Variants in PKHD1 observed in about 807,000 individuals in gnomAD.
The protein encoded by PKHD1 is PKHD1 ciliary IPT domain containing fibrocystin/polyductin, also known as fibrocystin.
A neutral mutation model predicts 412.0 loss-of-function variants in PKHD1; 291 were observed. The observed-to-expected ratio is 0.71, with a 90% CI of 0.64 to 0.78. The LOEUF (loss-of-function observed/expected upper bound fraction) is 0.78. Among genes scored for constraint, PKHD1 ranks in the 30% least tolerant of loss-of-function variants. The pLI is 0.00. For missense variants in PKHD1, 4,825 were observed against 4,950.7 expected, an observed-to-expected ratio of 0.97 and a Z score of 0.76; for synonymous variants, 1,777 against 1,821.5, an observed-to-expected ratio of 0.98 and a Z score of 0.62.
intron 39 of PKHD1, 35 bp downstream of exon 39, chr6:51,911,764 T>C (rs1782971924): frequency 6.3e-7 from 1 of 1,576,458 alleles, no homozygotes; most frequent in Non-Finnish European, 8.7e-7. Context: ...TATTCTTTTT[T>C]GCTCATTAGA....
intron 53 of PKHD1, among the ~76,000 whole-genome samples, chr6:51,785,638 T>C (rs1792734111): frequency 6.6e-6 from 1 of 152,178 alleles, no homozygotes; most frequent in Non-Finnish European, 1.5e-5. Flanking sequence ...CTCTTGTAAA[T>C]TGCCTCTTTT....
intron 50 of PKHD1, among the ~76,000 whole-genome samples, chr6:51,837,419 A>G (rs1432150352): frequency 2.6e-5 from 4 of 152,174 alleles, no homozygotes; most frequent in Non-Finnish European, 5.9e-5. Flanking sequence ...AATATAAAAC[A>G]TAAGCAGCCA....
At chr6:51,761,429 G>C (rs1002848043) in intron 55 of PKHD1, among the ~76,000 whole-genome samples, 45 of 152,022 alleles carry the variant, frequency 3.0e-4, no homozygotes, top group African/African-American at 1.1e-3. Context: ...CTGCTGGTTT[G>C]GCTGGTGGTG....
rs74540613 is a variant in PKHD1 at position 51,615,421 on chromosome 6, T to C, written c.*3660A>G. 3.9e-4 allele frequency: 60 copies of C among 152,314 alleles called. No homozygotes were observed. The highest frequency in any genetic ancestry group is 1.4e-3 in the African/African-American group (59 of 41,582). 9.4% of individuals were successfully genotyped at this position (152,314 alleles called of 1,614,324 possible). ...GTGACTTTTCTATCAAATATATCTG[T>C]AATTAGTCAAAGTGCTATAGTGTAT... On this transcript the variant is annotated 3_prime_UTR_variant, in exon 67 of 67. Transcript: ENST00000371117.
intron 52 of PKHD1, among the ~76,000 whole-genome samples, chr6:51,815,919 T>C (rs1765386833): frequency 6.6e-6 from 1 of 152,206 alleles, no homozygotes. Flanking sequence ...GTTAAATCTT[T>C]TGTGAAACCA....
At chr6:51,989,952 GA>G (rs1562073313) in intron 35 of PKHD1, among the ~76,000 whole-genome samples, 7 of 40,340 alleles carry the variant, frequency 1.7e-4, no homozygotes, top group Admixed American at 4.8e-4. Flanking sequence ...AGGAAGAAAG[GA>G]AGGAAAGAAG....
chr6:51,805,216 A>G (rs1003790321), intron 52 of PKHD1, among the ~76,000 whole-genome samples: 1 of 152,180 alleles, frequency 6.6e-6, no homozygotes, highest in Non-Finnish European at 1.5e-5. Context: ...GAATAAAATC[A>G]TGTTCTTTGC....
chr6:51,626,800 A>G (rs1424352344), intron 66 of PKHD1, among the ~76,000 whole-genome samples, 197 bp downstream of exon 66: 15 of 152,178 alleles, frequency 9.9e-5, no homozygotes, highest in Non-Finnish European at 2.2e-4. Context: ...CAATTCAAAT[A>G]ATTGGTGAAT....
intron 60 of PKHD1, among the ~76,000 whole-genome samples, chr6:51,739,522 A>G (rs1784294556): frequency 6.6e-6 from 1 of 152,160 alleles, no homozygotes; most frequent in South Asian, 2.1e-4. Context: ...TGAGCCACAG[A>G]TCCCAGAATA....
chr6:51,886,487 A>G (rs1778235906), intron 44 of PKHD1, among the ~76,000 whole-genome samples: 1 of 152,234 alleles, frequency 6.6e-6, no homozygotes. Context: ...AAATCCTGCC[A>G]TTTGTGACAA....
intron 52 of PKHD1, among the ~76,000 whole-genome samples, chr6:51,828,987 T>A (rs1767796049): frequency 6.6e-6 from 1 of 152,192 alleles, no homozygotes; most frequent in Non-Finnish European, 1.5e-5. Context: ...GCAAGGATTT[T>A]ATTTTTTATA....
At chr6:51,940,284 T>G (rs897351669) in intron 36 of PKHD1, among the ~76,000 whole-genome samples, 11 of 151,616 alleles carry the variant, frequency 7.3e-5, no homozygotes, top group Admixed American at 5.3e-4. Flanking sequence ...GCCTTCAAGG[T>G]GTACTATAAT....
At chr6:52,052,069 C>T (rs991122285) in intron 21 of PKHD1, among the ~76,000 whole-genome samples, 4 of 152,188 alleles carry the variant, frequency 2.6e-5, no homozygotes, top group African/African-American at 9.6e-5. Context: ...GTTCCCCTGC[C>T]TTCAGTACTG....
At chr6:51,936,151 C>T (rs1002726598) in intron 36 of PKHD1, among the ~76,000 whole-genome samples, 1 of 152,162 alleles carries the variant, frequency 6.6e-6, no homozygotes, top group African/African-American at 2.4e-5. Flanking sequence ...TGGCACTCAA[C>T]ACACAATTAA....
At chr6:51,903,850 TA>T (rs1781662749) in intron 42 of PKHD1, 123 bp from the exon 43 acceptor site, 8 of 410,416 alleles carry the variant, frequency 1.9e-5, no homozygotes, top group South Asian at 1.5e-4. Flanking sequence ...TATATATATA[TA>T]TATATATATT....
chr6:52,025,365 T>C lies in PKHD1; in HGVS notation c.4445A>G (p.Glu1482Gly), dbSNP rs1801996128. 6.2e-7 allele frequency: 1 copy of C among 1,613,594 alleles called. No individual in the cohort carries two copies. The highest frequency in any genetic ancestry group is 8.5e-7 in the Non-Finnish European group (1 of 1,179,540). ...CQGNCTLFIR[E>G]EASPVMDALS... ...GGCATCCATGACAGGACTTGCCTCTTCCCTTATGAAAAGAGTGCAATTCCC... is the reference window on the plus strand; with the variant it reads ...GGCATCCATGACAGGACTTGCCTCTCCCCTTATGAAAAGAGTGCAATTCCC... Residue 1482 changes from glutamate to glycine, a missense_variant, in exon 32 of 67, where the codon GAA (glutamate) becomes GGA (glycine). Coordinates refer to ENST00000371117, the MANE Select transcript of PKHD1 (RefSeq NM_138694.4).
intron 35 of PKHD1, among the ~76,000 whole-genome samples, chr6:51,999,645 G>A (rs985054448): frequency 1.3e-5 from 2 of 152,128 alleles, no homozygotes; most frequent in South Asian, 2.1e-4. Context: ...ATTAAAAAGA[G>A]GACAACCCTG....
intron 60 of PKHD1, chr6:51,721,621 G>A: frequency 9.1e-7 from 1 of 1,094,554 alleles, no homozygotes; most frequent in South Asian, 3.4e-5. Flanking sequence ...ACTCACTAAA[G>A]GCAAAGCTTA....
chr6:51,908,145 G>A (rs936392534), intron 40 of PKHD1, among the ~76,000 whole-genome samples: 7 of 152,132 alleles, frequency 4.6e-5, no homozygotes, highest in African/African-American at 1.7e-4. Context: ...CGAAGCACTA[G>A]CGGAGAGGCC....
Sources: gnomAD v4.1 joint callset for allele counts (sites outside exome capture counted in the v4.1 genomes callset) on GRCh38, gnomAD v4.1.1 for gene constraint, MANE v1.5 for transcripts, NCBI Gene and HGNC (gene_info 2026-07-23, HGNC 2026-07-21) for gene names.